QTMAN: variants seen among roughly 807,000 people sequenced by gnomAD.
The protein encoded by QTMAN is queuosine-tRNA mannosyltransferase.
the QTMAN span, among the ~76,000 whole-genome samples, chr2:144,200,166 T>C: frequency 6.6e-6 from 1 of 152,348 alleles, no homozygotes; most frequent in Admixed American, 6.5e-5. Context: ...TGTTATAAAA[T>C]AATGGTGACC....
At chr2:143,980,097 G>A in the QTMAN span, among the ~76,000 whole-genome samples, 8 of 152,046 alleles carry the variant, frequency 5.3e-5, no homozygotes, top group Non-Finnish European at 8.8e-5. Flanking sequence ...TTAACGTGTT[G>A]CCATGGTGTT....
the QTMAN span, among the ~76,000 whole-genome samples, chr2:144,274,520 C>A: frequency 6.6e-6 from 1 of 152,136 alleles, no homozygotes; most frequent in South Asian, 2.1e-4. Context: ...AGTTGATCAC[C>A]AATGACCAAT....
the QTMAN span, among the ~76,000 whole-genome samples, chr2:144,069,442 A>G: frequency 6.6e-6 from 1 of 152,118 alleles, no homozygotes; most frequent in Non-Finnish European, 1.5e-5. Context: ...TGAAAAAGAA[A>G]TAGTGTGACC....
At chr2:144,096,236 G>A in the QTMAN span, among the ~76,000 whole-genome samples, 2 of 152,104 alleles carry the variant, frequency 1.3e-5, no homozygotes, top group Admixed American at 1.3e-4. Flanking sequence ...AACCACAAAT[G>A]AAAGTACTTG....
the QTMAN span, among the ~76,000 whole-genome samples, chr2:144,150,953 CAAG>C: frequency 6.2e-3 from 936 of 152,096 alleles, 10 homozygotes; most frequent in African/African-American, 0.021. Context: ...GTAGCTGAGG[CAAG>C]AAGAAGAATG....
chr2:143,989,825 C>T, the QTMAN span, among the ~76,000 whole-genome samples: 2 of 152,280 alleles, frequency 1.3e-5, no homozygotes, highest in East Asian at 1.9e-4. Flanking sequence ...AGTAGGGCTG[C>T]ATGCCCCTCA....
At chr2:144,329,347 A>G in the QTMAN span, among the ~76,000 whole-genome samples, 1 of 152,372 alleles carries the variant, frequency 6.6e-6, no homozygotes, top group East Asian at 1.9e-4. Context: ...TGTAATACCA[A>G]CAAGAAGCAT....
chr2:144,287,095 C>T, the QTMAN span, among the ~76,000 whole-genome samples: 2 of 152,032 alleles, frequency 1.3e-5, no homozygotes, highest in Admixed American at 6.6e-5. Context: ...GTGGTAGTGG[C>T]CAATGTCATA....
At chr2:144,195,158 A>G in the QTMAN span, among the ~76,000 whole-genome samples, 1 of 152,116 alleles carries the variant, frequency 6.6e-6, no homozygotes. Context: ...CTGAAGGTTT[A>G]TCATCAAAAC....
At chr2:144,291,305 T>C in the QTMAN span, among the ~76,000 whole-genome samples, 1 of 152,168 alleles carries the variant, frequency 6.6e-6, no homozygotes, top group African/African-American at 2.4e-5. Flanking sequence ...TGGAAGGGGA[T>C]ACAGTTCAAC....
the QTMAN span, among the ~76,000 whole-genome samples, chr2:144,026,601 T>A: frequency 6.6e-6 from 1 of 152,178 alleles, no homozygotes; most frequent in Non-Finnish European, 1.5e-5. Flanking sequence ...GGGGGCTCAC[T>A]GTCAGGTTCA....
At chr2:144,246,279 A>G in the QTMAN span, among the ~76,000 whole-genome samples, 12 of 152,228 alleles carry the variant, frequency 7.9e-5, no homozygotes, top group Admixed American at 7.8e-4. Flanking sequence ...AATGCCTAGA[A>G]AACAAATTTA....
At chr2:144,053,255 A>C in the QTMAN span, among the ~76,000 whole-genome samples, 1 of 152,228 alleles carries the variant, frequency 6.6e-6, no homozygotes, top group Admixed American at 6.5e-5. Flanking sequence ...ACCAGATCAC[A>C]GTGTTAAATG....
At chr2:143,954,660 T>C in the QTMAN span, among the ~76,000 whole-genome samples, 3 of 152,118 alleles carry the variant, frequency 2.0e-5, no homozygotes, top group African/African-American at 7.2e-5. Context: ...TGACTTGTTA[T>C]GATATACATT....
At chr2:144,010,965 G>A in the QTMAN span, among the ~76,000 whole-genome samples, 2 of 152,226 alleles carry the variant, frequency 1.3e-5, no homozygotes, top group African/African-American at 4.8e-5. Context: ...CTATGGAAAT[G>A]CTACAGCTAG....
chr2:144,063,245 C>G, the QTMAN span, among the ~76,000 whole-genome samples: 1 of 152,046 alleles, frequency 6.6e-6, no homozygotes, highest in Non-Finnish European at 1.5e-5. Flanking sequence ...CAATGATAAC[C>G]CTAGGTAGCT....
At chr2:144,088,594 A>T in the QTMAN span, among the ~76,000 whole-genome samples, 1 of 152,256 alleles carries the variant, frequency 6.6e-6, no homozygotes, top group African/African-American at 2.4e-5. Flanking sequence ...CAGTAAACAG[A>T]ACAGCATGGT....
chr2:144,153,305 T>G, the QTMAN span, among the ~76,000 whole-genome samples: 1 of 152,206 alleles, frequency 6.6e-6, no homozygotes, highest in Non-Finnish European at 1.5e-5. Context: ...AAGAAAAAGA[T>G]GGTTGTAAAG....
At chr2:144,321,428 G>A in the QTMAN span, among the ~76,000 whole-genome samples, 1 of 152,178 alleles carries the variant, frequency 6.6e-6, no homozygotes, top group Non-Finnish European at 1.5e-5. Context: ...CCATAATGAG[G>A]CTGAAACACT....
Sources: allele counts gnomAD v4.1 joint callset (sites outside exome capture counted in the v4.1 genomes callset), GRCh38; gene constraint gnomAD v4.1.1; transcripts MANE v1.5; gene names NCBI Gene and HGNC (gene_info 2026-07-23, HGNC 2026-07-21).